The following PCDHGA7 variants were observed in gnomAD, a reference collection of about 807,000 sequenced individuals.
PCDHGA7 encodes the protein protocadherin gamma-A7.
Under a neutral mutation model 58.3 loss-of-function variants are expected in PCDHGA7, and 44 were observed. The observed-to-expected ratio is 0.75, with a 90% CI of 0.59 to 0.97. The LOEUF is 0.97. PCDHGA7 is among the 50% of genes least tolerant of loss of function. PCDHGA7 has a pLI of 0.00. For missense variants in PCDHGA7, 1,266 were observed against 1,188.7 expected (o/e 1.06, Z -0.96); for synonymous variants, 516 against 504.2 (o/e 1.02, Z -0.31).
chr5:141,422,968 C>T lies in PCDHGA7; in HGVS notation c.2424+37645C>T. 6.2e-7 allele frequency: 1 copy of T among 1,614,240 alleles called. No homozygotes were observed. Among genetic ancestry groups the T allele is most frequent in the South Asian group, 1.1e-5 (1 of 91,086 alleles). On this transcript the variant is annotated intron_variant, in intron 1 of 3. Coordinates refer to ENST00000518325, the MANE Select transcript of PCDHGA7 (RefSeq NM_018920.4). ...CTCCACTGGCGTGGAGCTGGCGCCC[C>T]GCTCTGCGGAACCTGGCTACCTGGT...
chr5:141,401,345 A>G (rs1233985725), intron 1 of PCDHGA7, among the ~76,000 whole-genome samples: 4 of 152,216 alleles, frequency 2.6e-5, no homozygotes, highest in Non-Finnish European at 4.4e-5. Context: ...TCCATCTCAA[A>G]AAAAAGGAAG....
chr5:141,461,037 G>T (rs1254497108), intron 1 of PCDHGA7, among the ~76,000 whole-genome samples: 1 of 150,988 alleles, frequency 6.6e-6, no homozygotes, highest in Non-Finnish European at 1.5e-5. Flanking sequence ...CCACTCATTA[G>T]TCGATGGGGA....
intron 1 of PCDHGA7, among the ~76,000 whole-genome samples, chr5:141,459,534 T>G (rs980917458): frequency 1.3e-5 from 2 of 151,990 alleles, no homozygotes; most frequent in African/African-American, 2.4e-5. Flanking sequence ...TGTAGGCATA[T>G]TTTTTTTATT....
At chr5:141,422,862 C>T in intron 1 of PCDHGA7, 1 of 1,614,270 alleles carries the variant, frequency 6.2e-7, no homozygotes, top group Non-Finnish European at 8.5e-7. Flanking sequence ...CCCTCAGCAG[C>T]AACGTGTCGC....
intron 1 of PCDHGA7, chr5:141,392,442 A>C (rs1355396676): frequency 1.2e-5 from 2 of 161,844 alleles, no homozygotes; most frequent in East Asian, 3.6e-4. Context: ...TGTTTCTTTT[A>C]AAATATGGGT....
chr5:141,457,902 G>A (rs1219261409), intron 1 of PCDHGA7, among the ~76,000 whole-genome samples: 1 of 150,854 alleles, frequency 6.6e-6, no homozygotes, highest in Non-Finnish European at 1.5e-5. Flanking sequence ...GTGTAGACAA[G>A]GTGTGAGGCC....
chr5:141,400,372 A>T, intron 1 of PCDHGA7: 1 of 1,613,980 alleles, frequency 6.2e-7, no homozygotes, highest in South Asian at 1.1e-5. Flanking sequence ...TTATTCCTAC[A>T]ACCTATGTGT....
chr5:141,438,641 C>CAT (rs2098042490), intron 1 of PCDHGA7, among the ~76,000 whole-genome samples: 2 of 79,354 alleles, frequency 2.5e-5, no homozygotes, highest in Non-Finnish European at 4.5e-5. Context: ...TATATACACA[C>CAT]ACACACACAC....
intron 1 of PCDHGA7, chr5:141,424,160 C>A (rs187420643): frequency 6.3e-4 from 172 of 273,324 alleles, no homozygotes; most frequent in South Asian, 2.2e-3. Flanking sequence ...CTCTCCTTCT[C>A]ATCTATCTAT....
chr5:141,494,678 G>A, intron 1 of PCDHGA7, 129 bp from the exon 2 acceptor site: 1 of 1,554,384 alleles, frequency 6.4e-7, no homozygotes, highest in Non-Finnish European at 8.7e-7. Flanking sequence ...GTCCACCCCT[G>A]CCCCCTCTTA....
intron 1 of PCDHGA7, chr5:141,417,926 C>T (rs779409064): frequency 6.2e-7 from 1 of 1,610,108 alleles, no homozygotes; most frequent in East Asian, 2.2e-5. Context: ...TTTGCTGCTG[C>T]CTTTGTTCTA....
chr5:141,384,812 T>C lies in PCDHGA7; in HGVS notation c.1913T>C (p.Leu638Pro). 1 of 1,613,428 alleles carries C rather than the reference T, an allele frequency of 6.2e-7. No individual in the cohort carries two copies. The highest frequency in any genetic ancestry group is 1.3e-5 in the African/African-American group (1 of 75,058). The change falls in exon 1 of 4, where the codon CTC becomes CCC. Residue 638 changes from leucine (L) to proline (P), a missense_variant. By Grantham distance (98) the Leu-to-Pro change is moderately conservative (BLOSUM62 -3). Coordinates refer to ENST00000518325, the MANE Select transcript of PCDHGA7 (RefSeq NM_018920.4). ...CGGGCCCTGCTGGACAGAGATGCCCTCAAGCAGAGCCTCGTGGTGGCCGTC... is the reference window on the plus strand; with the variant it reads ...CGGGCCCTGCTGGACAGAGATGCCCCCAAGCAGAGCCTCGTGGTGGCCGTC... ...TARALLDRDA[L>P]KQSLVVAVQD...
rs754329108 is a variant in PCDHGA7 at position 141,408,309 on chromosome 5, C to T, written c.2424+22986C>T. 1.8e-5 allele frequency: 29 copies of T among 1,613,698 alleles called. No individual in the cohort carries two copies. The highest frequency in any genetic ancestry group is 2.0e-5 in the Non-Finnish European group (24 of 1,179,730). On this transcript the variant is annotated intron_variant, in intron 1 of 3. Transcript: ENST00000518325. ...ACCCTGAGTGAGCCGATCCGCTACT[C>T]GATTCCGGAGGAGCTGGCCAAGGGC...
intron 1 of PCDHGA7, chr5:141,388,461 G>C (rs1423485997): frequency 6.2e-7 from 1 of 1,613,762 alleles, no homozygotes; most frequent in Admixed American, 1.7e-5. Context: ...TAAATACCCT[G>C]AGATGGTATT....
rs370127569 is a variant in PCDHGA7 at position 141,422,859 on chromosome 5, C to T, written c.2424+37536C>T. 1.4e-5 allele frequency: 22 copies of T among 1,614,148 alleles called. No homozygotes were observed. In the African/African-American group the frequency reaches 2.5e-4, roughly 19 times the overall value. ...GTGACAGCGGGGACCCGCCCCTCAG[C>T]AGCAACGTGTCGCTGAGCCTGTTCG... On this transcript the variant is annotated intron_variant, in intron 1 of 3. Transcript: ENST00000518325.
At chr5:141,404,815 G>A in intron 1 of PCDHGA7, 2 of 1,610,532 alleles carry the variant, frequency 1.2e-6, no homozygotes, top group South Asian at 1.1e-5. Flanking sequence ...CGGTGGGGCT[G>A]CACACAGGTG....
At chr5:141,494,999 G>T in intron 2 of PCDHGA7, 134 bp downstream of exon 2, 1 of 1,531,046 alleles carries the variant, frequency 6.5e-7, no homozygotes, top group Non-Finnish European at 8.8e-7. Context: ...GGGAGGTCTT[G>T]GTGTGCGGGG....
At chr5:141,390,560 T>C (rs531396970) in intron 1 of PCDHGA7, 1 of 443,156 alleles carries the variant, frequency 2.3e-6, no homozygotes, top group East Asian at 4.1e-5. Context: ...GTTAGACAGT[T>C]GTTGGCTCTC....
intron 1 of PCDHGA7, chr5:141,422,717 T>A: frequency 6.2e-7 from 1 of 1,604,832 alleles, no homozygotes; most frequent in Non-Finnish European, 8.5e-7. Flanking sequence ...GATGACACTG[T>A]CCAGGGGGTG....
Sources: allele counts gnomAD v4.1 joint callset (sites outside exome capture counted in the v4.1 genomes callset), GRCh38; gene constraint gnomAD v4.1.1; transcripts MANE v1.5; gene names NCBI Gene and HGNC (gene_info 2026-07-23, HGNC 2026-07-21).